Variants in NALCN observed in about 807,000 individuals in gnomAD.
NALCN encodes sodium leak channel, non-selective, also known as sodium leak channel NALCN.
A neutral mutation model predicts 225.3 loss-of-function variants in NALCN; 111 were observed. That is an observed-to-expected ratio of 0.49 (90% CI 0.42 to 0.58). NALCN has a LOEUF of 0.58. NALCN is among the 20% of genes least tolerant of loss of function. The pLI, the probability that NALCN is intolerant of heterozygous loss-of-function variation, is 0.00. For synonymous variants in NALCN, 764 were observed against 769.0 expected (o/e 0.99, Z 0.11); for missense variants, 1,378 against 2,202.4 (o/e 0.63, Z 7.49).
At chr13:101,079,297 A>G (rs182069503) in intron 34 of NALCN, among the ~76,000 whole-genome samples, 65 of 152,366 alleles carry the variant, frequency 4.3e-4, no homozygotes, top group African/African-American at 1.6e-3. Context: ...TTTGGAAGTA[A>G]TGACAACCAA....
intron 17 of NALCN, among the ~76,000 whole-genome samples, chr13:101,135,357 A>C (rs1482276873): frequency 1.3e-5 from 2 of 152,220 alleles, no homozygotes; most frequent in Non-Finnish European, 2.9e-5. Context: ...TTCTAGAGTA[A>C]ATGTCAGATG....
chr13:101,395,035 T>C (rs920706553), intron 3 of NALCN, 148 bp downstream of exon 3: 1 of 687,544 alleles, frequency 1.5e-6, no homozygotes, highest in Admixed American at 3.5e-5. Flanking sequence ...TCCCAGTCTC[T>C]GGAGTTATGC....
In NALCN at chr13:101,057,874, C is replaced by T. The variant is rs1388096266; in HGVS notation, c.5023+65G>A. The T allele has an allele frequency of 4.6e-6, 6 of 1,304,076 alleles. No individual in the cohort carries two copies. In the African/African-American group the frequency reaches 8.7e-5, roughly 19 times the overall value. 80.8% of individuals were successfully genotyped at this position (1,304,076 alleles called of 1,614,324 possible). On this transcript the variant is annotated intron_variant, in intron 43 of 43. Transcript: ENST00000251127. ...GCATTTTGAAAGGCAAGACCCAAAA[C>T]ACACAAACAGAGTAAATACCTTTAA... is the stretch of plus-strand genomic sequence containing the variant.
At chr13:101,262,106 A>T (rs992513453) in intron 10 of NALCN, among the ~76,000 whole-genome samples, 1 of 152,248 alleles carries the variant, frequency 6.6e-6, no homozygotes, top group Non-Finnish European at 1.5e-5. Context: ...TGAAATGATC[A>T]TATAGCTTTT....
chr13:101,387,137 C>A (rs1369062109), intron 3 of NALCN, among the ~76,000 whole-genome samples: 1 of 142,970 alleles, frequency 7.0e-6, no homozygotes, highest in East Asian at 2.2e-4. Context: ...AGGAGAATGG[C>A]GTGAACCCGG....
intron 7 of NALCN, among the ~76,000 whole-genome samples, chr13:101,318,317 C>CACGCT (rs2044627647): frequency 6.6e-6 from 1 of 152,128 alleles, no homozygotes; most frequent in South Asian, 2.1e-4. Context: ...CACAGCCAGA[C>CACGCT]ACGCTGGCTG....
chr13:101,157,549 A>G lies in NALCN; in HGVS notation c.1840-12653T>C, dbSNP rs182392696. Among the ~76,000 whole-genome samples, 17 of 152,304 alleles carry G rather than the reference A, an allele frequency of 1.1e-4. No homozygotes were observed. In the East Asian group the frequency reaches 3.1e-3, roughly 28 times the overall value. ...CCAACAGTGAAATCAGTCATCCTCAATTATAGGAAAGTTGGATTATAAATG... is the reference window on the plus strand; with the variant it reads ...CCAACAGTGAAATCAGTCATCCTCAGTTATAGGAAAGTTGGATTATAAATG... On this transcript the variant is annotated intron_variant, in intron 15 of 43. Transcript: ENST00000251127.
intron 15 of NALCN, among the ~76,000 whole-genome samples, chr13:101,145,109 TAAC>T (rs1277332304): frequency 6.6e-6 from 1 of 152,020 alleles, no homozygotes; most frequent in African/African-American, 2.4e-5. Flanking sequence ...AAACAAAACT[TAAC>T]AACAAAAAAA....
chr13:101,302,142 A>G (rs1348198262), intron 7 of NALCN, among the ~76,000 whole-genome samples: 1 of 152,234 alleles, frequency 6.6e-6, no homozygotes. Context: ...TCCAAAAATT[A>G]GAACCAAGCA....
chr13:101,266,576 G>A (rs1274176153), intron 10 of NALCN, among the ~76,000 whole-genome samples: 1 of 152,160 alleles, frequency 6.6e-6, no homozygotes, highest in Admixed American at 6.5e-5. Flanking sequence ...CTGCTTGAGT[G>A]AGTAAAACAA....
chr13:101,317,188 G>A (rs1207319229), intron 7 of NALCN, among the ~76,000 whole-genome samples: 1 of 151,994 alleles, frequency 6.6e-6, no homozygotes, highest in Non-Finnish European at 1.5e-5. Flanking sequence ...ATTTAAGTTT[G>A]CTTCCACTTA....
At chr13:101,138,741 C>T (rs1037700613) in intron 17 of NALCN, among the ~76,000 whole-genome samples, 6 of 152,180 alleles carry the variant, frequency 3.9e-5, no homozygotes, top group East Asian at 1.9e-4. Context: ...GAGAACAGAG[C>T]GGGCTGCTTT....
chr13:101,058,431 C>CTTAATGA, intron 42 of NALCN: 5 of 149,840 alleles, frequency 3.3e-5, no homozygotes, highest in Admixed American at 1.3e-4. Flanking sequence ...CGGGGGCAGT[C>CTTAATGA]TACTGTCACC....
intron 28 of NALCN, among the ~76,000 whole-genome samples, chr13:101,094,587 G>A (rs185008894): frequency 6.6e-6 from 1 of 151,720 alleles, no homozygotes; most frequent in African/African-American, 2.4e-5. Context: ...TCAGCAGTGG[G>A]GCCAGGATAT....
chr13:101,259,959 T>A lies in NALCN; in HGVS notation c.1135-1385A>T, dbSNP rs1036174924. ...GTCACTGTATTATGCTAGCAAATAG[T>A]AGGTCTTATCTATTCTTTCTATTTT... is the stretch of plus-strand genomic sequence containing the variant. On this transcript the variant is annotated intron_variant, in intron 10 of 43. Transcript: ENST00000251127. Among the ~76,000 whole-genome samples the A allele has an allele frequency of 3.7e-4, 55 of 149,870 alleles. 1 individual carries two copies. The highest frequency in any genetic ancestry group is 1.3e-3 in the African/African-American group (53 of 40,964).
rs758604325 is a variant in NALCN, at chr13:101,104,879, G to A, written c.2636+15C>T. Reference sequence around the variant, plus strand: ...ACTTTAAATGTGCATGGAAAATGAAGTTGGTGATGCTTACTAAAGTTGATG... The same window carrying A: ...ACTTTAAATGTGCATGGAAAATGAAATTGGTGATGCTTACTAAAGTTGATG... On this transcript the variant is annotated intron_variant, in intron 23 of 43. Coordinates refer to ENST00000251127, the MANE Select transcript of NALCN (RefSeq NM_052867.4). This position sits in a 1 kb window ranked among gnomAD's most constrained non-coding sequence, Gnocchi z 4.2. 2 of 1,613,334 alleles carry A rather than the reference G, an allele frequency of 1.2e-6. No homozygotes were observed. The highest frequency in any genetic ancestry group is 1.7e-6 in the Non-Finnish European group (2 of 1,179,454).
chr13:101,242,704 T>C (rs2041790425), intron 11 of NALCN, among the ~76,000 whole-genome samples: 1 of 107,266 alleles, frequency 9.3e-6, no homozygotes, highest in South Asian at 3.1e-4. Context: ...GCAATTTACT[T>C]ATCTTGTGAT....
At chr13:101,413,019 T>C (rs1353079720) in intron 1 of NALCN, among the ~76,000 whole-genome samples, 2 of 152,314 alleles carry the variant, frequency 1.3e-5, no homozygotes, top group African/African-American at 2.4e-5. Flanking sequence ...AGTTTTTATA[T>C]AGCACAAAGG....
chr13:101,378,207 A>G (rs1387454929), intron 4 of NALCN, among the ~76,000 whole-genome samples: 2 of 152,108 alleles, frequency 1.3e-5, no homozygotes, highest in African/African-American at 4.8e-5. Flanking sequence ...ATTCACAATC[A>G]TAACTGACAA....
Sources: gnomAD v4.1 joint callset for allele counts (sites outside exome capture counted in the v4.1 genomes callset) on GRCh38, gnomAD v4.1.1 for gene constraint, Gnocchi (gnomAD v3.1) non-coding constraint, MANE v1.5 for transcripts, NCBI Gene and HGNC (gene_info 2026-07-23, HGNC 2026-07-21) for gene names.